FRMPD2: variants seen among roughly 807,000 people sequenced by gnomAD.
FRMPD2 encodes FERM and PDZ domain containing 2.
A neutral mutation model predicts 140.1 loss-of-function variants in FRMPD2; 96 were observed. The ratio of observed to expected loss-of-function variants is 0.69; its 90% CI spans 0.58 to 0.81. The LOEUF is 0.81. Ranked by LOEUF, FRMPD2 falls within the 40% of genes least tolerant of loss-of-function variation. The pLI is 0.00. For synonymous variants in FRMPD2, 449 were observed against 547.6 expected, an observed-to-expected ratio of 0.82 and a Z score of 2.52; for missense variants, 1,240 against 1,447.4, an observed-to-expected ratio of 0.86 and a Z score of 2.32.
chr10:48,176,601 A>G (rs1301947703), intron 22 of FRMPD2, among the ~76,000 whole-genome samples: 3,884 of 151,918 alleles, frequency 0.026, 68 homozygotes, highest in African/African-American at 0.088. Context: ...TTGAAATTAA[A>G]TATCTGCAAA....
chr10:48,253,902 GTT>G (rs1374668471), intron 1 of FRMPD2, among the ~76,000 whole-genome samples: 1 of 152,084 alleles, frequency 6.6e-6, no homozygotes, highest in Non-Finnish European at 1.5e-5. Flanking sequence ...AACTGATCGG[GTT>G]TGCCAATCAA....
At chr10:48,181,619 C>T (rs1371298644) in intron 20 of FRMPD2, among the ~76,000 whole-genome samples, 1 of 151,926 alleles carries the variant, frequency 6.6e-6, no homozygotes, top group Non-Finnish European at 1.5e-5. Context: ...CTGTGTCTGA[C>T]TCGTGACCTG....
In FRMPD2 at chr10:48,249,100, G is replaced by A. The variant is rs1179098635; in HGVS notation, c.230C>T (p.Ser77Phe). The A allele has an allele frequency of 1.9e-6, 3 of 1,614,102 alleles. No homozygotes were observed. Among genetic ancestry groups the A allele is most frequent in the Non-Finnish European group, 2.5e-6 (3 of 1,180,026 alleles). Residue 77 changes from serine to phenylalanine, a missense_variant, in exon 3 of 29, where the codon TCT becomes TTT. Ser to Phe is a radical substitution (Grantham distance 155). Transcript: ENST00000374201. ...CTTGAAAGGAGCAGCCTCTATATGA[G>A]AAACACGGCCTTGGAAAGAAAGGCT... The part of the protein sequence containing the change: ...AGSLSFQGRV[S>F]HIEAAPFKAP...
chr10:48,222,334 C>T lies in FRMPD2; in HGVS notation c.1434G>A (p.Glu478=). The T allele has an allele frequency of 6.2e-7, 1 of 1,614,106 alleles. No individual in the cohort carries two copies. The highest frequency in any genetic ancestry group is 1.1e-5 in the South Asian group (1 of 91,060). The change falls in exon 12 of 29, where the codon GAG becomes GAA. Residue 478 remains glutamate, a synonymous_variant. Transcript: ENST00000374201. ...CTACCTCCTTAGGGTAATTGCCAAA[C>T]TCAGCCTGCAAGGCAAGGACCCCCA... ...LQLGVLALQA[E]FGNYPKEQVE...
intron 20 of FRMPD2, 51 bp from the exon 21 acceptor site, chr10:48,181,059 T>C (rs1838532363): frequency 7.8e-7 from 1 of 1,288,120 alleles, no homozygotes; most frequent in African/African-American, 1.4e-5. Flanking sequence ...GCCGGTTTCT[T>C]GGTGGCATCT....
chr10:48,273,554 C>T (rs1333429082), intron 1 of FRMPD2, among the ~76,000 whole-genome samples: 6 of 152,186 alleles, frequency 3.9e-5, no homozygotes, highest in African/African-American at 1.2e-4. Context: ...CTGCTCCCAA[C>T]TCCTGCTAGT....
At position 48,206,833 on chromosome 10, in the gene FRMPD2, C is replaced by A; in HGVS notation, c.1712G>T (p.Gly571Val). 1.2e-6 allele frequency: 2 copies of A among 1,614,098 alleles called. No individual in the cohort carries two copies. Among genetic ancestry groups the A allele is most frequent in the South Asian group, 2.2e-5 (2 of 91,078 alleles). The part of the protein sequence containing the change: ...EEMALGICAK[G>V]VIVYEVKNNS... ...GTTTTTCACTTCATAGACTATGACACCCTTGGCACAGATCCCCAGGGCCAT... is the reference window on the plus strand; with the variant it reads ...GTTTTTCACTTCATAGACTATGACAACCTTGGCACAGATCCCCAGGGCCAT... Residue 571 changes from glycine (G) to valine (V), a missense_variant, in exon 14 of 29, where the codon GGT (glycine) becomes GTT (valine). This residue lies in a region of FRMPD2 where 1,161 missense variants were observed against 1,055.9 expected (regional missense o/e 1.10). Coordinates refer to ENST00000374201, the MANE Select transcript of FRMPD2 (RefSeq NM_001018071.4).
At chr10:48,236,354 G>T in intron 9 of FRMPD2, 128 bp downstream of exon 9, 1 of 779,304 alleles carries the variant, frequency 1.3e-6, no homozygotes, top group Non-Finnish European at 2.2e-6. Context: ...TTCTGGCAGA[G>T]GTCTGGGGGA....
intron 20 of FRMPD2, among the ~76,000 whole-genome samples, chr10:48,181,462 C>T (rs868960837): frequency 7.0e-6 from 1 of 143,552 alleles, no homozygotes; most frequent in South Asian, 2.1e-4. Context: ...CTGTCTTAAA[C>T]CCAGCCTCTC....
rs916274099 is a variant in FRMPD2 at position 48,274,652 on chromosome 10, C to T, written c.-85G>A. 5.4e-6 allele frequency: 7 copies of T among 1,295,506 alleles called. No homozygotes were observed. The highest frequency in any genetic ancestry group is 1.8e-5 in the Admixed American group (1 of 55,934). The allele number at this position is 1,295,506 out of a possible 1,614,324, so 80.3% of individuals were successfully genotyped here. ...CAGGGGTCTCTTGCAAGTCTGTCCGCGGAGCTCCCTGCCACCAGCACTGTT... is the reference window on the plus strand; with the variant it reads ...CAGGGGTCTCTTGCAAGTCTGTCCGTGGAGCTCCCTGCCACCAGCACTGTT... On this transcript the variant is annotated 5_prime_UTR_variant, in exon 1 of 29. Coordinates refer to ENST00000374201, the MANE Select transcript of FRMPD2 (RefSeq NM_001018071.4).
chr10:48,246,781 C>A (rs1158009206), intron 3 of FRMPD2, among the ~76,000 whole-genome samples: 1 of 152,228 alleles, frequency 6.6e-6, no homozygotes, highest in Non-Finnish European at 1.5e-5. Flanking sequence ...GCCCAACCAA[C>A]CCCTCATGGA....
intron 15 of FRMPD2, among the ~76,000 whole-genome samples, chr10:48,200,349 C>T (rs567909601): frequency 6.6e-6 from 1 of 152,226 alleles, no homozygotes; most frequent in East Asian, 1.9e-4. Context: ...CAGGGCTCAG[C>T]TGTATCAACT....
At chr10:48,180,365 G>A (rs1473799233) in intron 21 of FRMPD2, among the ~76,000 whole-genome samples, 1 of 152,148 alleles carries the variant, frequency 6.6e-6, no homozygotes, top group Non-Finnish European at 1.5e-5. Flanking sequence ...ACCTACTCCA[G>A]ATCCCATCTT....
intron 28 of FRMPD2, among the ~76,000 whole-genome samples, chr10:48,159,624 C>A (rs1207439930): frequency 6.6e-6 from 1 of 151,874 alleles, no homozygotes; most frequent in African/African-American, 2.4e-5. Flanking sequence ...CAGTGCCCTT[C>A]CCCAGAAGGT....
intron 20 of FRMPD2, among the ~76,000 whole-genome samples, chr10:48,182,301 A>G (rs898144554): frequency 2.0e-5 from 3 of 152,114 alleles, no homozygotes; most frequent in Non-Finnish European, 4.4e-5. Context: ...CACATCCTCC[A>G]TGAGAGGTGA....
At chr10:48,269,838 C>A (rs865986382) in intron 1 of FRMPD2, among the ~76,000 whole-genome samples, 2 of 152,124 alleles carry the variant, frequency 1.3e-5, no homozygotes, top group Non-Finnish European at 2.9e-5. Context: ...GGGAGACAGC[C>A]AAGGTGTGAG....
At chr10:48,259,627 TGTGTGTAA>T (rs1345754306) in intron 1 of FRMPD2, among the ~76,000 whole-genome samples, 1 of 138,530 alleles carries the variant, frequency 7.2e-6, no homozygotes, top group Non-Finnish European at 1.5e-5. Context: ...CATGAATGTG[TGTGTGTAA>T]GTGTGTGTGT....
At chr10:48,251,853 C>T in intron 1 of FRMPD2, 162 bp from the exon 2 acceptor site, 1 of 686,256 alleles carries the variant, frequency 1.5e-6, no homozygotes, top group Non-Finnish European at 2.4e-6. Flanking sequence ...CAGAGCCAAG[C>T]ACACAGAGGA....
At chr10:48,271,921 G>A (rs1840775145) in intron 1 of FRMPD2, among the ~76,000 whole-genome samples, 2 of 152,204 alleles carry the variant, frequency 1.3e-5, no homozygotes, top group Admixed American at 1.3e-4. Context: ...GCATATGGCA[G>A]TTTTTCAATA....
Sources: allele counts gnomAD v4.1 joint callset (sites outside exome capture counted in the v4.1 genomes callset), GRCh38; gene constraint gnomAD v4.1.1; regional missense constraint gnomAD v4.1.1; transcripts MANE v1.5; gene names NCBI Gene and HGNC (gene_info 2026-07-23, HGNC 2026-07-21).